TTN: variants seen among roughly 807,000 people sequenced by gnomAD.
TTN encodes titin, also known as connectin.
Under a neutral mutation model 3,223.0 loss-of-function variants are expected in TTN, and 1,525 were observed. The observed-to-expected ratio is 0.47, with a 90% CI of 0.45 to 0.49. The LOEUF is 0.49. Among genes scored for constraint, TTN ranks in the 20% least tolerant of loss-of-function variants. The pLI is 0.00. For missense variants in TTN, 40,786 were observed against 43,424.0 expected (o/e 0.94, Z 5.40); for synonymous variants, 14,094 against 15,161.0 (o/e 0.93, Z 5.17).
chr2:178,743,883 C>G (rs1448002908), intron 47 of TTN, among the ~76,000 whole-genome samples: 1 of 151,932 alleles, frequency 6.6e-6, no homozygotes, highest in African/African-American at 2.4e-5. Flanking sequence ...AATGATTGTT[C>G]TACAATAGTG....
intron 121 of TTN, among the ~76,000 whole-genome samples, chr2:178,690,237 G>T (rs895279417): frequency 2.0e-5 from 3 of 152,136 alleles, no homozygotes; most frequent in African/African-American, 7.2e-5. Context: ...ACTTCTTTAC[G>T]CTTTGTATTG....
chr2:178,686,733 G>T (rs2071029733), intron 127 of TTN, among the ~76,000 whole-genome samples: 1 of 152,156 alleles, frequency 6.6e-6, no homozygotes, highest in South Asian at 2.1e-4. Flanking sequence ...ATAAGGAATA[G>T]AAGTGTCTGG....
intron 355 of TTN, 27 bp from the exon 356 acceptor site, chr2:178,537,270 G>A (rs766355214): frequency 1.3e-6 from 2 of 1,547,122 alleles, no homozygotes; most frequent in Non-Finnish European, 1.7e-6. Context: ...CAATTGTGGT[G>A]GTTTTCATAG....
At position 178,567,421 on chromosome 2, in the gene TTN, A is replaced by T. The variant is rs727504808; in HGVS notation, c.78711T>A (p.Ser26237=). ...WLRGDKEIEE[S]ARCEIKNTDF... ...CTGTGTTCTTTATTTCACATCTAGC[A>T]GATTCTTCAATTTCCTTATCTCCTC... The change falls in exon 326 of 363, where the codon TCT becomes TCA. Residue 26237 remains serine, a synonymous_variant. Coordinates refer to ENST00000589042, the MANE Select transcript of TTN (RefSeq NM_001267550.2). 3.1e-6 allele frequency: 5 copies of T among 1,606,932 alleles called. No individual in the cohort carries two copies. The highest frequency in any genetic ancestry group is 4.2e-6 in the Non-Finnish European group (5 of 1,177,200).
intron 261 of TTN, 43 bp downstream of exon 261, chr2:178,614,423 C>T: frequency 6.3e-7 from 1 of 1,579,530 alleles, no homozygotes. Context: ...AAGAAAGTAA[C>T]TGCAAAGAGT....
chr2:178,679,804 T>C, intron 140 of TTN, 90 bp downstream of exon 140: 1 of 1,557,000 alleles, frequency 6.4e-7, no homozygotes, highest in Non-Finnish European at 8.7e-7. Flanking sequence ...CAATCATTGG[T>C]GCTGCCAATA....
At position 178,575,851 on chromosome 2, in the gene TTN, A is replaced by G; in HGVS notation, c.70281T>C (p.Phe23427=). 1 of 1,613,602 alleles carries G rather than the reference A, an allele frequency of 6.2e-7. No homozygotes were observed. Among genetic ancestry groups the G allele is most frequent in the Non-Finnish European group, 8.5e-7 (1 of 1,179,620 alleles). The stretch of plus-strand genomic sequence containing the variant: ...GCGTGTCCAAGACTCTGACGTTCAC[A>G]AAGCCACTTTTCTTCCCAGCCGGGT... ...IENPAGKKSG[F]VNVRVLDTPG... The change falls in exon 326 of 363, where the codon TTT becomes TTC. Residue 23427 remains phenylalanine (F), a synonymous_variant. Coordinates refer to ENST00000589042, the MANE Select transcript of TTN (RefSeq NM_001267550.2). This position sits in a 1 kb window ranked among gnomAD's most constrained non-coding sequence, Gnocchi z 4.0.
At position 178,719,368 on chromosome 2, in the gene TTN, C is replaced by T. The variant is rs775395125; in HGVS notation, c.24022G>A (p.Val8008Ile). The change falls in exon 83 of 363, where the codon GTC becomes ATC. Residue 8008 changes from valine (V) to isoleucine (I), a missense_variant. Coordinates refer to ENST00000589042, the MANE Select transcript of TTN (RefSeq NM_001267550.2). ...ACTGAAATCGGGGCTGAGCCAGAGA[C>T]TCGGCACTCCAAAACAACTGAGGCC... is the stretch of plus-strand genomic sequence containing the variant. ...LGASVVLECRVSGSAPISVGW... is the reference protein window; with the variant it reads ...LGASVVLECRISGSAPISVGW... The T allele has an allele frequency of 3.1e-6, 5 of 1,613,774 alleles. No individual in the cohort carries two copies. In the Admixed American group the frequency reaches 6.7e-5, roughly 22 times the overall value.
chr2:178,534,499 A>G lies in TTN; in HGVS notation c.102116T>C (p.Phe34039Ser), dbSNP rs1553496582. The change falls in exon 358 of 363, where the codon TTC becomes TCC. Residue 34039 changes from phenylalanine (F) to serine (S), a missense_variant. Physicochemically the swap from Phe to Ser is radical, Grantham distance 155 (BLOSUM62 -2). Transcript: ENST00000589042. ...CATGGCTTCAATGCTAATCTCTTTGAATGCTTCCTCATCGAAAGTATATTC... is the reference window on the plus strand; with the variant it reads ...CATGGCTTCAATGCTAATCTCTTTGGATGCTTCCTCATCGAAAGTATATTC... Reference protein sequence around the residue: ...NAEYTFDEEAFKEISIEAMDF... With the variant: ...NAEYTFDEEASKEISIEAMDF... The G allele has an allele frequency of 1.4e-5, 22 of 1,613,648 alleles. No individual in the cohort carries two copies. Among genetic ancestry groups the G allele is most frequent in the Non-Finnish European group, 1.7e-5 (20 of 1,179,808 alleles).
In TTN at chr2:178,613,302, TATC is replaced by T. The variant is rs776584237; in HGVS notation, c.49533-29_49533-27del. ...CTGAATTAGGAACAAAGTGCATGTG[TATC>T]ATCATGGTAAGAAGCAGAAGAAGCC... is the stretch of plus-strand genomic sequence containing the variant. On this transcript the variant is annotated intron_variant, in intron 263 of 362. Coordinates refer to ENST00000589042, the MANE Select transcript of TTN (RefSeq NM_001267550.2). The T allele has an allele frequency of 1.4e-5, 21 of 1,531,794 alleles. No homozygotes were observed. The South Asian group carries it at 2.1e-4, about 16-fold the overall frequency. The allele number at this position is 1,531,794 out of a possible 1,614,324, so 94.9% of individuals were successfully genotyped here.
chr2:178,532,444 T>A lies in TTN; in HGVS notation c.104171A>T (p.Lys34724Ile). Reference sequence around the variant, plus strand: ...GTGATAGGTTGAATACCTGAAGTCTTTTCTTGTTTCCTCCACCTTGACATG... The same window carrying A: ...GTGATAGGTTGAATACCTGAAGTCTATTCTTGTTTCCTCCACCTTGACATG... ...QAHVKVEETR[K>I]DFRYSTYHIP... Residue 34724 changes from lysine to isoleucine, a missense_variant, in exon 358 of 363, where the codon AAA becomes ATA. Transcript: ENST00000589042. 1 of 1,613,998 alleles carries A rather than the reference T, an allele frequency of 6.2e-7. No individual in the cohort carries two copies. The highest frequency in any genetic ancestry group is 1.1e-5 in the South Asian group (1 of 91,082).
At chr2:178,528,051 G>A (rs1021927581) in intron 361 of TTN, 3 of 567,152 alleles carry the variant, frequency 5.3e-6, no homozygotes, top group Non-Finnish European at 8.9e-6. Context: ...GCAAATAAAT[G>A]TTACACGGCA....
chr2:178,629,471 C>CTCATTTT (rs1559932849), intron 239 of TTN, 28 bp from the exon 240 acceptor site: 3 of 1,611,164 alleles, frequency 1.9e-6, no homozygotes, highest in Admixed American at 3.3e-5. Context: ...AACAGCTTTG[C>CTCATTTT]GTTACTCATT....
chr2:178,664,528 G>C lies in TTN; in HGVS notation c.36212C>G (p.Ala12071Gly), dbSNP rs559224435. The part of the protein sequence containing the change: ...PEVLPDEVPE[A>G]LREVVPEKKV... ...CTTTTCCGGGACAACTTCTCTGAGA[G>C]CCTCCGGCACTTTGAAGATATTAAT... The change falls in exon 168 of 363, where the codon GCT becomes GGT. Residue 12071 changes from alanine to glycine, a missense_variant. Coordinates refer to ENST00000589042, the MANE Select transcript of TTN (RefSeq NM_001267550.2). The C allele has an allele frequency of 5.6e-6, 9 of 1,611,850 alleles. No homozygotes were observed. The East Asian group carries it at 1.6e-4, about 28-fold the overall frequency.
intron 106 of TTN, 38 bp downstream of exon 106, chr2:178,704,109 A>G: frequency 6.2e-7 from 1 of 1,604,988 alleles, no homozygotes; most frequent in Non-Finnish European, 8.5e-7. Flanking sequence ...CCATTGACCT[A>G]TGCTGTACCC....
rs772726653 is a variant in TTN at position 178,551,775 on chromosome 2, A to G, written c.91125T>C (p.Asn30375=). 3 of 1,613,748 alleles carry G rather than the reference A, an allele frequency of 1.9e-6. No homozygotes were observed. Among genetic ancestry groups the G allele is most frequent in the Non-Finnish European group, 2.5e-6 (3 of 1,179,802 alleles). ...ERNSILWQKV[N]TSPISGREYR... is the part of the protein sequence containing the mutation. ...ATTCTCTTCCAGAGATTGGTGATGT[A>G]TTAACTTTTTGCCAGAGGATGCTAT... The change falls in exon 335 of 363, where the codon AAT becomes AAC. Residue 30375 remains asparagine, a synonymous_variant. Transcript: ENST00000589042.
intron 149 of TTN, 30 bp from the exon 150 acceptor site, chr2:178,675,143 T>TA (rs771480241): frequency 1.5e-5 from 22 of 1,448,760 alleles, no homozygotes; most frequent in Non-Finnish European, 1.9e-5. Context: ...TTTAGACACT[T>TA]AAAATGCAAG....
intron 1 of TTN, among the ~76,000 whole-genome samples, chr2:178,806,884 C>A (rs966812615): frequency 6.6e-6 from 1 of 152,200 alleles, no homozygotes; most frequent in African/African-American, 2.4e-5. Flanking sequence ...TAACCTTGAA[C>A]ATTCTCAACA....
Position 178,615,455 on chromosome 2 carries a change from A to G in TTN, c.48490T>C (p.Trp16164Arg), listed in dbSNP as rs1040807161. Residue 16164 changes from tryptophan to arginine, a missense_variant, in exon 259 of 363, where the codon TGG becomes CGG. Trp to Arg is a moderately radical substitution (Grantham distance 101). Transcript: ENST00000589042. Reference protein sequence around the residue: ...TVPDPPENVKWRDRTANSIFL... With the variant: ...TVPDPPENVKRRDRTANSIFL... ...ATGCTATTGGCTGTTCGATCTCTCC[A>G]TTTAACATTCTCTGGTGGGTCAGGT... 6.2e-7 allele frequency: 1 copy of G among 1,612,242 alleles called. No homozygotes were observed. The highest frequency in any genetic ancestry group is 8.5e-7 in the Non-Finnish European group (1 of 1,178,868).
Sources: allele counts gnomAD v4.1 joint callset (sites outside exome capture counted in the v4.1 genomes callset), GRCh38; gene constraint gnomAD v4.1.1; non-coding constraint Gnocchi (gnomAD v3.1); transcripts MANE v1.5; gene names NCBI Gene and HGNC (gene_info 2026-07-23, HGNC 2026-07-21).